The following KIF23 variants were observed in gnomAD, a reference collection of about 807,000 sequenced individuals.
The protein encoded by KIF23 is kinesin-like protein KIF23.
In KIF23, 30 loss-of-function variants were observed where a neutral mutation model predicts 137.5. The observed-to-expected ratio is 0.22, with a 90% CI of 0.16 to 0.30. The LOEUF (loss-of-function observed/expected upper bound fraction) is 0.30, where lower values mean the gene tolerates loss of function less well. Ranked by LOEUF, KIF23 falls within the 10% of genes least tolerant of loss-of-function variation. The pLI, the probability that KIF23 is intolerant of heterozygous loss-of-function variation, is 1.00. For missense variants in KIF23, 920 were observed against 1,194.3 expected, an observed-to-expected ratio of 0.77 and a Z score of 3.38; for synonymous variants, 367 against 391.1, an observed-to-expected ratio of 0.94 and a Z score of 0.73.
chr15:69,426,288 T>A, intron 9 of KIF23, 48 bp from the exon 10 acceptor site: 1 of 1,610,174 alleles, frequency 6.2e-7, no homozygotes, highest in Non-Finnish European at 8.5e-7. Flanking sequence ...GCATGTATAA[T>A]GAAATGACTG....
rs751865353 is a variant in KIF23 at position 69,417,373 on chromosome 15, A to G, written c.82-10A>G. The G allele has an allele frequency of 2.6e-6, 4 of 1,559,764 alleles. No homozygotes were observed. The highest frequency in any genetic ancestry group is 3.5e-6 in the Non-Finnish European group (4 of 1,155,532). The stretch of plus-strand genomic sequence containing the variant: ...AACTTTCTTCTTAAAGCACCTTCCT[A>G]TTTCTTCAGGTATACTGTAGGGTGC... On this transcript the variant is annotated splice_polypyrimidine_tract_variant and intron_variant, in intron 2 of 23. Coordinates refer to ENST00000679126, the MANE Select transcript of KIF23 (RefSeq NM_001367805.3).
intron 19 of KIF23, among the ~76,000 whole-genome samples, chr15:69,443,312 G>A (rs892601201): frequency 1.4e-4 from 15 of 106,810 alleles, no homozygotes; most frequent in Admixed American, 1.2e-3. Flanking sequence ...TTTGCTTTCA[G>A]TTTTGTTTTT....
At chr15:69,433,301 C>T (rs909586897) in intron 11 of KIF23, among the ~76,000 whole-genome samples, 1 of 152,212 alleles carries the variant, frequency 6.6e-6, no homozygotes, top group African/African-American at 2.4e-5. Flanking sequence ...TGACCTCAAT[C>T]AAGGTTTCAA....
chr15:69,447,195 T>C (rs921327347), intron 23 of KIF23, among the ~76,000 whole-genome samples: 2 of 152,236 alleles, frequency 1.3e-5, no homozygotes, highest in Non-Finnish European at 1.5e-5. Flanking sequence ...CTCATGTTCA[T>C]ATTCTGCCAA....
At chr15:69,431,795 T>TAC (rs1030097217) in intron 11 of KIF23, among the ~76,000 whole-genome samples, 1 of 152,024 alleles carries the variant, frequency 6.6e-6, no homozygotes. Context: ...GATGAAAAAA[T>TAC]ACACACACAC....
intron 20 of KIF23, among the ~76,000 whole-genome samples, chr15:69,445,428 G>A (rs544071854): frequency 1.3e-5 from 2 of 151,828 alleles, no homozygotes; most frequent in South Asian, 2.1e-4. Flanking sequence ...AATTTGACCC[G>A]TCAAAATTAC....
intron 3 of KIF23, among the ~76,000 whole-genome samples, chr15:69,420,123 G>T (rs1225184749): frequency 6.6e-6 from 1 of 152,110 alleles, no homozygotes; most frequent in Non-Finnish European, 1.5e-5. Flanking sequence ...AAATTACCCA[G>T]CGTGGAGGCA....
intron 14 of KIF23, 68 bp downstream of exon 14, chr15:69,436,329 T>A: frequency 1.3e-6 from 2 of 1,526,698 alleles, no homozygotes; most frequent in Admixed American, 2.2e-5. Flanking sequence ...TTAAAAAAAA[T>A]TATTTCATTT....
chr15:69,443,655 T>C (rs2057680712), intron 19 of KIF23: 1 of 152,118 alleles, frequency 6.6e-6, no homozygotes, highest in Non-Finnish European at 1.5e-5. Flanking sequence ...ACAGGAGATG[T>C]TCATAAAATT....
chr15:69,438,560 G>A (rs2057537644), intron 16 of KIF23, among the ~76,000 whole-genome samples, 155 bp downstream of exon 16: 1 of 152,144 alleles, frequency 6.6e-6, no homozygotes, highest in Admixed American at 6.5e-5. Flanking sequence ...CACTTTGGGA[G>A]GCTGAGGTGG....
At chr15:69,440,630 C>A in intron 18 of KIF23, 138 bp from the exon 19 acceptor site, 3 of 1,125,868 alleles carry the variant, frequency 2.7e-6, no homozygotes, top group Non-Finnish European at 3.6e-6. Context: ...TTAGAATAAA[C>A]ACAAATTTAG....
In KIF23 at chr15:69,436,701, A is replaced by G; in HGVS notation, c.1576A>G (p.Ile526Val). 1 of 1,588,544 alleles carries G rather than the reference A, an allele frequency of 6.3e-7. No individual in the cohort carries two copies. Among genetic ancestry groups the G allele is most frequent in the Non-Finnish European group, 8.6e-7 (1 of 1,165,538 alleles). The part of the protein sequence containing the change: ...EKRHNLRQMM[I>V]DEFNKQSNAF... The stretch of plus-strand genomic sequence containing the variant: ...ACGACATAACTTACGACAAATGATG[A>G]TTGATGAGTTTAACAAACAATGTAA... The change falls in exon 15 of 24, where the codon ATT becomes GTT. Residue 526 changes from isoleucine (I) to valine (V), a missense_variant. By Grantham distance (29) the Ile-to-Val change is conservative. Coordinates refer to ENST00000679126, the MANE Select transcript of KIF23 (RefSeq NM_001367805.3).
At position 69,422,423 on chromosome 15, in the gene KIF23, C is replaced by T. The variant is rs1327392281; in HGVS notation, c.551C>T (p.Thr184Ile). Residue 184 changes from threonine to isoleucine, a missense_variant, in exon 6 of 24, where the codon ACT becomes ATT. Coordinates refer to ENST00000679126, the MANE Select transcript of KIF23 (RefSeq NM_001367805.3). The part of the protein sequence containing the change: ...QKREAMPNPK[T>I]SSSKRQVDPE... ...AGAGAAGCTATGCCCAATCCAAAGA[C>T]TTCTTCTAGCAAGTAAGTAATTATA... The T allele has an allele frequency of 2.5e-6, 4 of 1,582,782 alleles. No homozygotes were observed. Among genetic ancestry groups the T allele is most frequent in the Non-Finnish European group, 3.5e-6 (4 of 1,151,800 alleles).
chr15:69,447,000 CATT>C, intron 23 of KIF23, 59 bp downstream of exon 23: 2 of 1,359,948 alleles, frequency 1.5e-6, no homozygotes, highest in Non-Finnish European at 2.1e-6. Flanking sequence ...CTGGTCTTTA[CATT>C]ATCACTCCTT....
chr15:69,432,723 G>C (rs1412950787), intron 11 of KIF23, among the ~76,000 whole-genome samples: 2 of 152,176 alleles, frequency 1.3e-5, no homozygotes, highest in Non-Finnish European at 2.9e-5. Context: ...GTATTCTTAA[G>C]TTTGTCATAC....
Position 69,440,750 on chromosome 15 carries a change from T to C in KIF23, c.2110-18T>C. On this transcript the variant is annotated intron_variant, in intron 18 of 23. Coordinates refer to ENST00000679126, the MANE Select transcript of KIF23 (RefSeq NM_001367805.3). ...AGTTTTTCAGTCTTGCTCATTAATTTTTCTCCAATTTTTCTAGCTTTCTAG... is the reference window on the plus strand; with the variant it reads ...AGTTTTTCAGTCTTGCTCATTAATTCTTCTCCAATTTTTCTAGCTTTCTAG... 6.4e-7 allele frequency: 1 copy of C among 1,572,206 alleles called. No homozygotes were observed. The highest frequency in any genetic ancestry group is 8.6e-7 in the Non-Finnish European group (1 of 1,163,762).
At chr15:69,438,024 G>A (rs1451918528) in intron 15 of KIF23, among the ~76,000 whole-genome samples, 2 of 152,190 alleles carry the variant, frequency 1.3e-5, no homozygotes, top group Non-Finnish European at 2.9e-5. Context: ...CACAGTGAAA[G>A]ACTTGAGTAT....
intron 20 of KIF23, among the ~76,000 whole-genome samples, 196 bp from the exon 21 acceptor site, chr15:69,445,811 TTC>T (rs1285777436): frequency 1.3e-5 from 2 of 152,248 alleles, no homozygotes; most frequent in Non-Finnish European, 2.9e-5. Flanking sequence ...TGAATTGGAC[TTC>T]TTTTATTTGT....
At chr15:69,441,861 C>T (rs2057629271) in intron 19 of KIF23, among the ~76,000 whole-genome samples, 1 of 151,864 alleles carries the variant, frequency 6.6e-6, no homozygotes. Flanking sequence ...CTCAGTCTTC[C>T]TGAGCTGAAG....
Sources: allele counts gnomAD v4.1 joint callset (sites outside exome capture counted in the v4.1 genomes callset), GRCh38; gene constraint gnomAD v4.1.1; transcripts MANE v1.5; gene names NCBI Gene and HGNC (gene_info 2026-07-23, HGNC 2026-07-21).